Variants in RNF144A observed in about 807,000 individuals in gnomAD.
RNF144A encodes E3 ubiquitin-protein ligase RNF144A.
RNF144A carries 11 observed loss-of-function variants against 38.7 expected under a neutral mutation model. The observed-to-expected ratio is 0.28, with a 90% CI of 0.18 to 0.47. RNF144A has a LOEUF of 0.47. RNF144A is among the 20% of genes least tolerant of loss of function. RNF144A has a pLI of 0.99. For missense variants in RNF144A, 316 were observed against 377.2 expected (o/e 0.84, Z 1.34); for synonymous variants, 149 against 143.9 (o/e 1.04, Z -0.25).
At chr2:6,976,676 A>C (rs1465957720) in intron 2 of RNF144A, among the ~76,000 whole-genome samples, 2 of 149,676 alleles carry the variant, frequency 1.3e-5, no homozygotes, top group South Asian at 4.2e-4. Flanking sequence ...TATAAACTTT[A>C]TATATAATAT....
chr2:6,918,126 G>C (rs1427000878), intron 1 of RNF144A, among the ~76,000 whole-genome samples: 12 of 152,126 alleles, frequency 7.9e-5, no homozygotes, highest in Admixed American at 7.9e-4. Flanking sequence ...CCGGGGCATC[G>C]CCACCGGCGG....
At chr2:7,008,928 T>C (rs1670621100) in intron 3 of RNF144A, among the ~76,000 whole-genome samples, 1 of 152,258 alleles carries the variant, frequency 6.6e-6, no homozygotes, top group South Asian at 2.1e-4. Context: ...ACAGGCTTGC[T>C]ACTGCTAACT....
intron 2 of RNF144A, among the ~76,000 whole-genome samples, chr2:6,965,399 A>G (rs1298205404): frequency 6.6e-6 from 1 of 152,218 alleles, no homozygotes; most frequent in East Asian, 1.9e-4. Flanking sequence ...GGCCTACAGC[A>G]CCAGACCCCT....
intron 1 of RNF144A, among the ~76,000 whole-genome samples, chr2:6,922,087 A>C (rs1010308363): frequency 6.6e-6 from 1 of 152,078 alleles, no homozygotes. Context: ...GTCTTTCCCT[A>C]TCTGTGTTCC....
chr2:7,008,576 C>T (rs1670600303), intron 3 of RNF144A, among the ~76,000 whole-genome samples: 1 of 152,250 alleles, frequency 6.6e-6, no homozygotes, highest in South Asian at 2.1e-4. Flanking sequence ...CTGCTGCTGC[C>T]TCCTGGCCTA....
chr2:7,070,086 T>A (rs1171323723), downstream of RNF144A, among the ~76,000 whole-genome samples: 1 of 152,214 alleles, frequency 6.6e-6, no homozygotes, highest in Non-Finnish European at 1.5e-5. Flanking sequence ...ACTTTGAGAC[T>A]GTAGGAGACT....
At chr2:6,968,538 G>T (rs556924088) in intron 2 of RNF144A, among the ~76,000 whole-genome samples, 1 of 152,170 alleles carries the variant, frequency 6.6e-6, no homozygotes, top group African/African-American at 2.4e-5. Flanking sequence ...CAGTCCTGGG[G>T]GCCTATGCCT....
chr2:7,064,400 G>A (rs56343514), intron 6 of RNF144A, among the ~76,000 whole-genome samples: 19,692 of 152,130 alleles, frequency 0.13, 1,316 homozygotes, highest in African/African-American at 0.14. Context: ...GCATTTAAAT[G>A]CTGATAATAA....
chr2:7,066,406 T>C (rs1674226518), intron 6 of RNF144A, among the ~76,000 whole-genome samples: 1 of 152,228 alleles, frequency 6.6e-6, no homozygotes, highest in Non-Finnish European at 1.5e-5. Flanking sequence ...TCTTTTATCT[T>C]AAGCTATCTA....
chr2:7,003,339 C>T (rs985572105), intron 3 of RNF144A, among the ~76,000 whole-genome samples: 3 of 152,186 alleles, frequency 2.0e-5, no homozygotes, highest in South Asian at 2.1e-4. Context: ...CTCACTCACC[C>T]GGAGTAGCTC....
At chr2:7,003,410 T>G (rs534285960) in intron 3 of RNF144A, among the ~76,000 whole-genome samples, 54 of 152,210 alleles carry the variant, frequency 3.5e-4, no homozygotes, top group Non-Finnish European at 7.1e-4. Context: ...TTTTTACATC[T>G]TTTATAGCAT....
In RNF144A at chr2:7,013,708, A is replaced by G. The variant is rs572990679; in HGVS notation, c.136-746A>G. ...TTCAGGGAAACACTAGATTTCTAAG[A>G]CTAGTAGACTTTGTAAAGCAGGAGT... On this transcript the variant is annotated intron_variant, in intron 3 of 8. Transcript: ENST00000320892. Among the ~76,000 whole-genome samples the G allele has an allele frequency of 4.6e-5, 7 of 152,316 alleles. 1 individual carries two copies. In the South Asian group the frequency reaches 1.2e-3, roughly 27 times the overall value.
At chr2:6,932,252 G>A (rs995632800) in intron 1 of RNF144A, among the ~76,000 whole-genome samples, 3 of 152,084 alleles carry the variant, frequency 2.0e-5, no homozygotes, top group African/African-American at 7.2e-5. Flanking sequence ...TTTGATTAGT[G>A]TTAGCATGGT....
intron 2 of RNF144A, among the ~76,000 whole-genome samples, chr2:6,950,996 A>G (rs1026430029): frequency 1.3e-5 from 2 of 152,194 alleles, no homozygotes; most frequent in Admixed American, 6.5e-5. Context: ...TTTAATGACT[A>G]GAAGTTCTTG....
rs1363174168 is a variant in RNF144A, at chr2:7,068,176, T to C, written c.735-40T>C. The C allele has an allele frequency of 4.7e-6, 5 of 1,053,114 alleles. No homozygotes were observed. In the African/African-American group the frequency reaches 8.2e-5, roughly 17 times the overall value. 65.2% of individuals were successfully genotyped at this position (1,053,114 alleles called of 1,614,324 possible). A position where few individuals can be genotyped will look rare whatever the true frequency, so the allele number is the denominator to read the frequency against. ...AAGTATCATTGAGTAAGCTTTTCTGTGCTTTAACAAGTATCAGTGAGTAAG... is the reference window on the plus strand; with the variant it reads ...AAGTATCATTGAGTAAGCTTTTCTGCGCTTTAACAAGTATCAGTGAGTAAG... On this transcript the variant is annotated intron_variant, in intron 6 of 6. Transcript: ENST00000432850.
intron 3 of RNF144A, among the ~76,000 whole-genome samples, chr2:7,010,364 C>T (rs978769166): frequency 6.6e-6 from 1 of 152,186 alleles, no homozygotes; most frequent in Non-Finnish European, 1.5e-5. Flanking sequence ...GGGGCTTTTG[C>T]TGCTTCAATT....
intron 2 of RNF144A, among the ~76,000 whole-genome samples, chr2:6,949,998 A>G (rs79404601): frequency 0.02 from 3,049 of 152,268 alleles, 99 homozygotes; most frequent in African/African-American, 0.07. Flanking sequence ...GAGGCATAAA[A>G]AGATACCCGC....
At chr2:7,001,408 G>C (rs1374189983) in intron 3 of RNF144A, among the ~76,000 whole-genome samples, 1 of 152,222 alleles carries the variant, frequency 6.6e-6, no homozygotes, top group Admixed American at 6.5e-5. Context: ...CAGGCACAGT[G>C]TCTCCTGCCT....
rs369477643 is a variant in RNF144A at position 7,020,523 on chromosome 2, G to A, written c.352G>A (p.Ala118Thr). The change falls in exon 6 of 9, where the codon GCT (alanine) becomes ACT (threonine). Residue 118 changes from alanine (A) to threonine (T), a missense_variant. Ala to Thr is a moderately conservative substitution (Grantham distance 58). Transcript: ENST00000320892. ...TTGGTGCCCGGCGTCCACCTGCCAAGCTGTGTGTCAGCTCCAGGACGTGGG... is the reference window on the plus strand; with the variant it reads ...TTGGTGCCCGGCGTCCACCTGCCAAACTGTGTGTCAGCTCCAGGACGTGGG... ...RTWCPASTCQAVCQLQDVGLQ... is the reference protein window; with the variant it reads ...RTWCPASTCQTVCQLQDVGLQ... The A allele has an allele frequency of 3.1e-6, 5 of 1,613,680 alleles. No homozygotes were observed. The highest frequency in any genetic ancestry group is 2.2e-5 in the East Asian group (1 of 44,886).
Sources: gnomAD v4.1 joint callset for allele counts (sites outside exome capture counted in the v4.1 genomes callset) on GRCh38, gnomAD v4.1.1 for gene constraint, MANE v1.5 for transcripts, NCBI Gene and HGNC (gene_info 2026-07-23, HGNC 2026-07-21) for gene names.